MSTN: variants seen among roughly 807,000 people sequenced by gnomAD.
MSTN encodes growth/differentiation factor 8.
A neutral mutation model predicts 32.3 loss-of-function variants in MSTN; 12 were observed. That is an observed-to-expected ratio of 0.37 (90% confidence interval 0.24 to 0.60). The LOEUF (loss-of-function observed/expected upper bound fraction) is 0.60. Ranked by LOEUF, MSTN falls within the 20% of genes least tolerant of loss-of-function variation. The probability of loss-of-function intolerance (pLI) is 0.67; values close to 1 mark genes in which losing one functional copy is unlikely to be tolerated. For missense variants in MSTN, 403 were observed against 450.3 expected, an observed-to-expected ratio of 0.89 and a Z score of 0.95; for synonymous variants, 168 against 155.1, an observed-to-expected ratio of 1.08 and a Z score of -0.62.
chr2:190,060,028 G>A (rs1685546933), intron 2 of MSTN, 34 bp downstream of exon 2: 1 of 1,590,344 alleles, frequency 6.3e-7, no homozygotes, highest in Non-Finnish European at 8.6e-7. Flanking sequence ...AAAAACATAA[G>A]GTTATTATAA....
At chr2:190,058,701 G>A (rs1016950364) in intron 2 of MSTN, among the ~76,000 whole-genome samples, 2 of 151,978 alleles carry the variant, frequency 1.3e-5, no homozygotes, top group Non-Finnish European at 2.9e-5. Context: ...AATGTCTTTT[G>A]CAGCAAATTA....
chr2:190,059,953 T>C, intron 2 of MSTN, 109 bp downstream of exon 2: 1 of 1,180,906 alleles, frequency 8.5e-7, no homozygotes, highest in Non-Finnish European at 1.2e-6. Flanking sequence ...AAGATACCTT[T>C]GTCTAGCTTA....
Position 190,062,253 on chromosome 2 carries a change from G to T in MSTN, c.344C>A (p.Thr115Lys). Residue 115 changes from threonine to lysine, a missense_variant, in exon 1 of 3, where the codon ACG becomes AAG. Coordinates refer to ENST00000260950, the MANE Select transcript of MSTN (RefSeq NM_005259.3). ...SLEDDDYHAT[T>K]ETIITMPTES... ...TGTAGGCATGGTAATGATTGTTTCC[G>T]TTGTAGCGTGATAATCGTCATCTTC... 6.2e-7 allele frequency: 1 copy of T among 1,612,998 alleles called. No homozygotes were observed. Among genetic ancestry groups the T allele is most frequent in the East Asian group, 2.2e-5 (1 of 44,872 alleles).
chr2:190,059,530 T>C (rs1024187492), intron 2 of MSTN, among the ~76,000 whole-genome samples: 40 of 152,002 alleles, frequency 2.6e-4, no homozygotes, highest in Non-Finnish European at 5.0e-4. Context: ...CATATTTATC[T>C]TGAGAAACCT....
intron 1 of MSTN, 97 bp from the exon 2 acceptor site, chr2:190,060,532 T>C: frequency 2.0e-6 from 2 of 1,024,944 alleles, no homozygotes; most frequent in Non-Finnish European, 2.8e-6. Context: ...ATTAAGATAA[T>C]GTATGCCTAT....
rs1447619545 is a variant in MSTN, at chr2:190,056,170, T to G, written c.*1088A>C. 6.6e-6 allele frequency: 1 copy of G among 152,556 alleles called. No individual in the cohort carries two copies. The highest frequency in any genetic ancestry group is 1.5e-5 in the Non-Finnish European group (1 of 67,984). The allele number at this position is 152,556 out of a possible 1,614,324, so 9.5% of individuals were successfully genotyped here. A position where few individuals can be genotyped will look rare whatever the true frequency, so the allele number is the denominator to read the frequency against. On this transcript the variant is annotated 3_prime_UTR_variant, in exon 3 of 3. Coordinates refer to ENST00000260950, the MANE Select transcript of MSTN (RefSeq NM_005259.3). Reference sequence around the variant, plus strand: ...TAATCTGCTAATTTGCTCTGAAATATAAGTAGTTGCTTTTCTGTGATGCAT... The same window carrying G: ...TAATCTGCTAATTTGCTCTGAAATAGAAGTAGTTGCTTTTCTGTGATGCAT...
At position 190,060,115 on chromosome 2, in the gene MSTN, C is replaced by T; in HGVS notation, c.694G>A (p.Glu232Lys). The change falls in exon 2 of 3, where the codon GAG becomes AAG. Residue 232 changes from glutamate to lysine, a missense_variant. Transcript: ENST00000260950. Reference sequence around the variant, plus strand: ...GTTACAGCAAGATCATGACCATTCTCATCTAAAGCTTTTATTTCAATGCCT... The same window carrying T: ...GTTACAGCAAGATCATGACCATTCTTATCTAAAGCTTTTATTTCAATGCCT... ...NLGIEIKALD[E>K]NGHDLAVTFP... The T allele has an allele frequency of 6.2e-7, 1 of 1,612,896 alleles. No individual in the cohort carries two copies. The highest frequency in any genetic ancestry group is 1.1e-5 in the South Asian group (1 of 91,020).
rs554144181 is a variant in MSTN at position 190,057,743 on chromosome 2, C to G, written c.748-105G>C. On this transcript the variant is annotated intron_variant, in intron 2 of 2. Transcript: ENST00000260950. ...GAAGTAATAAACTAATAATTTTGCT[C>G]ATACCACATTTATTTTTAAAAGGCA... is the stretch of plus-strand genomic sequence containing the variant. 151 of 1,228,468 alleles carry G rather than the reference C, an allele frequency of 1.2e-4. 1 individual carries two copies. The highest frequency in any genetic ancestry group is 1.8e-4 in the Admixed American group (10 of 55,072). The allele number at this position is 1,228,468 out of a possible 1,614,324, so 76.1% of individuals were successfully genotyped here.
Position 190,060,195 on chromosome 2 carries a change from C to G in MSTN, c.614G>C (p.Ser205Thr). ...DMNPGTGIWQSIDVKTVLQNW... is the reference protein window; with the variant it reads ...DMNPGTGIWQTIDVKTVLQNW... ...TTGCAACACTGTCTTCACATCAATGCTCTGCCAAATACCAGTGCCTGGGTT... is the reference window on the plus strand; with the variant it reads ...TTGCAACACTGTCTTCACATCAATGGTCTGCCAAATACCAGTGCCTGGGTT... Residue 205 changes from serine to threonine, a missense_variant, in exon 2 of 3, where the codon AGC (serine) becomes ACC (threonine). Coordinates refer to ENST00000260950, the MANE Select transcript of MSTN (RefSeq NM_005259.3). The G allele has an allele frequency of 6.2e-7, 1 of 1,613,110 alleles. No homozygotes were observed. Among genetic ancestry groups the G allele is most frequent in the East Asian group, 2.2e-5 (1 of 44,848 alleles).
In MSTN at chr2:190,056,486, CT is replaced by C. The variant is rs1685433250; in HGVS notation, c.*771del. On this transcript the variant is annotated 3_prime_UTR_variant, in exon 3 of 3. Coordinates refer to ENST00000260950, the MANE Select transcript of MSTN (RefSeq NM_005259.3). ...ATAAAAACAAACACCATTTGACTGC[CT>C]TTTAAGATAATGCAGTTTCTCCAAG... is the stretch of plus-strand genomic sequence containing the variant. 6.6e-6 allele frequency: 1 copy of C among 152,440 alleles called. No homozygotes were observed. The highest frequency in any genetic ancestry group is 1.5e-5 in the Non-Finnish European group (1 of 67,990). 9.4% of individuals were successfully genotyped at this position (152,440 alleles called of 1,614,324 possible). A position where few individuals can be genotyped will look rare whatever the true frequency, so the allele number is the denominator to read the frequency against.
intron 1 of MSTN, among the ~76,000 whole-genome samples, chr2:190,061,935 G>A (rs1303639874): frequency 1.3e-5 from 2 of 151,818 alleles, no homozygotes; most frequent in Admixed American, 6.6e-5. Context: ...TGCCTTGGTG[G>A]TATTATTGTG....
chr2:190,062,618 T>C lies in MSTN; in HGVS notation c.-22A>G. On this transcript the variant is annotated 5_prime_UTR_variant, in exon 1 of 3. Coordinates refer to ENST00000260950, the MANE Select transcript of MSTN (RefSeq NM_005259.3). ...GCATGATTTTAAAATCAATATAATCTTTTTTCTTGTTCTTGTTTCTTCCTT... is the reference window on the plus strand; with the variant it reads ...GCATGATTTTAAAATCAATATAATCCTTTTTCTTGTTCTTGTTTCTTCCTT... The C allele has an allele frequency of 6.2e-7, 1 of 1,603,206 alleles. No individual in the cohort carries two copies.
chr2:190,058,373 A>C (rs1300896102), intron 2 of MSTN, among the ~76,000 whole-genome samples: 5 of 152,026 alleles, frequency 3.3e-5, no homozygotes, highest in African/African-American at 9.7e-5. Context: ...AAAAAGGAAC[A>C]CTTTCTTAAA....
intron 2 of MSTN, 63 bp from the exon 3 acceptor site, chr2:190,057,701 C>A: frequency 6.5e-7 from 1 of 1,549,380 alleles, no homozygotes; most frequent in Non-Finnish European, 8.9e-7. Flanking sequence ...TTCTACCTAC[C>A]TTAAGAAGTT....
Position 190,062,282 on chromosome 2 carries a change from A to G in MSTN, c.315T>C (p.Ser105=). 2.5e-6 allele frequency: 4 copies of G among 1,613,288 alleles called. No individual in the cohort carries two copies. Among genetic ancestry groups the G allele is most frequent in the Non-Finnish European group, 3.4e-6 (4 of 1,179,414 alleles). Residue 105 remains serine (S), a synonymous_variant, in exon 1 of 3, where the codon TCT becomes TCC. Transcript: ENST00000260950. ...TAGCGTGATAATCGTCATCTTCCAA[A>G]GAGCCATCGCTGCTGTCATCCCTCT... ...DVQRDDSSDG[S]LEDDDYHATT...
chr2:190,060,316 T>C lies in MSTN; in HGVS notation c.493A>G (p.Thr165Ala), dbSNP rs1490125045. The C allele has an allele frequency of 8.7e-6, 14 of 1,612,912 alleles. No homozygotes were observed. The highest frequency in any genetic ancestry group is 1.2e-5 in the Non-Finnish European group (14 of 1,179,232). ...QLWIYLRPVE[T>A]PTTVFVQILR... ...ATTTGCACAAACACTGTTGTAGGAG[T>C]CTCGACGGGTCTCAAATATATCCAT... Residue 165 changes from threonine to alanine, a missense_variant, in exon 2 of 3, where the codon ACT becomes GCT. Physicochemically the swap from Thr to Ala is moderately conservative, Grantham distance 58. Transcript: ENST00000260950.
Position 190,057,182 on chromosome 2 carries a change from T to C in MSTN, c.*76A>G. ...ACTCTAGGCCTATAGCCTGTGGTAC[T>C]TAATTTCACAGCTTCAAAATTGTTG... On this transcript the variant is annotated 3_prime_UTR_variant, in exon 3 of 3. Coordinates refer to ENST00000260950, the MANE Select transcript of MSTN (RefSeq NM_005259.3). The C allele has an allele frequency of 6.4e-7, 1 of 1,551,634 alleles. No homozygotes were observed. Among genetic ancestry groups the C allele is most frequent in the Non-Finnish European group, 8.9e-7 (1 of 1,127,664 alleles).
At position 190,056,434 on chromosome 2, in the gene MSTN, C is replaced by A. The variant is rs1386819047; in HGVS notation, c.*824G>T. 3 of 152,238 alleles carry A rather than the reference C, an allele frequency of 2.0e-5. No homozygotes were observed. The highest frequency in any genetic ancestry group is 4.4e-5 in the Non-Finnish European group (3 of 67,936). 9.4% of individuals were successfully genotyped at this position (152,238 alleles called of 1,614,324 possible). A position where few individuals can be genotyped will look rare whatever the true frequency, so the allele number is the denominator to read the frequency against. On this transcript the variant is annotated 3_prime_UTR_variant, in exon 3 of 3. Transcript: ENST00000260950. ...TTTCCAAAGACAAAATTACATACTT[C>A]TCCAAGTATGTTATTTTGACATTTT...
Position 190,060,413 on chromosome 2 carries a change from A to C in MSTN, c.396T>G (p.Asp132Glu). The C allele has an allele frequency of 6.2e-7, 1 of 1,610,088 alleles. No individual in the cohort carries two copies. Among genetic ancestry groups the C allele is most frequent in the Non-Finnish European group, 8.5e-7 (1 of 1,178,424 alleles). Residue 132 changes from aspartate (D) to glutamate (E), a missense_variant, in exon 2 of 3, where the codon GAT (aspartate) becomes GAG (glutamate). Physicochemically the swap from Asp to Glu is conservative, Grantham distance 45 (BLOSUM62 2). Transcript: ENST00000260950. ...PTESDFLMQV[D>E]GKPKCCFFKF... ...TAAAGAAGCAACATTTGGGTTTTCC[A>C]TCCACTTGCATTAGAAAATCAGCTA...
Sources: gnomAD v4.1 joint callset for allele counts (sites outside exome capture counted in the v4.1 genomes callset) on GRCh38, gnomAD v4.1.1 for gene constraint, MANE v1.5 for transcripts, NCBI Gene and HGNC (gene_info 2026-07-23, HGNC 2026-07-21) for gene names.